NXPE2: variants seen among roughly 807,000 people sequenced by gnomAD.
The protein encoded by NXPE2 is neurexophilin and PC-esterase domain family member 2.
NXPE2 carries 34 observed loss-of-function variants against 34.4 expected under a neutral mutation model. The observed-to-expected ratio is 0.99, with a 90% CI of 0.75 to 1.31. NXPE2 has a LOEUF of 1.31. NXPE2 is among the 40% of genes most tolerant of loss of function. NXPE2 has a pLI of 0.00. For missense variants in NXPE2, 649 were observed against 672.5 expected, an observed-to-expected ratio of 0.97 and a Z score of 0.39; for synonymous variants, 235 against 231.3, an observed-to-expected ratio of 1.02 and a Z score of -0.15.
At chr11:114,587,110 C>T in the NXPE2 span, among the ~76,000 whole-genome samples, 2 of 152,128 alleles carry the variant, frequency 1.3e-5, no homozygotes, top group African/African-American at 2.4e-5. Context: ...CTTCCTAATT[C>T]TCGCTTTTTT....
At chr11:114,775,716 A>G in the NXPE2 span, among the ~76,000 whole-genome samples, 1 of 152,078 alleles carries the variant, frequency 6.6e-6, no homozygotes, top group Admixed American at 6.5e-5. Flanking sequence ...GGCTTATTTA[A>G]TAGAGGGCTC....
At chr11:114,568,700 T>C in the NXPE2 span, among the ~76,000 whole-genome samples, 1 of 152,140 alleles carries the variant, frequency 6.6e-6, no homozygotes, top group East Asian at 1.9e-4. Context: ...GGCTGCCTCC[T>C]TTTTATCTTT....
chr11:114,503,544 TA>T, the NXPE2 span, among the ~76,000 whole-genome samples: 1 of 150,428 alleles, frequency 6.6e-6, no homozygotes, highest in African/African-American at 2.4e-5. Context: ...AGTTGATGAC[TA>T]AAAAAAAACC....
chr11:114,745,815 T>G, the NXPE2 span, among the ~76,000 whole-genome samples: 1 of 152,170 alleles, frequency 6.6e-6, no homozygotes, highest in African/African-American at 2.4e-5. Flanking sequence ...AAATTTTTTA[T>G]TCTTTTACCA....
At chr11:114,615,079 C>T in the NXPE2 span, among the ~76,000 whole-genome samples, 1 of 151,726 alleles carries the variant, frequency 6.6e-6, no homozygotes, top group African/African-American at 2.4e-5. Flanking sequence ...AATTCTTACC[C>T]TGTGGAAAAT....
the NXPE2 span, chr11:114,528,891 G>A: frequency 3.3e-6 from 2 of 601,266 alleles, no homozygotes; most frequent in Non-Finnish European, 6.2e-6. Context: ...CATAAGGATG[G>A]TTGATGGGTA....
chr11:114,627,677 T>A, the NXPE2 span, among the ~76,000 whole-genome samples: 18 of 151,896 alleles, frequency 1.2e-4, no homozygotes, highest in Admixed American at 1.2e-3. Context: ...CAATATTAAC[T>A]TTAAATGTAA....
chr11:114,613,740 C>T, the NXPE2 span, among the ~76,000 whole-genome samples: 1 of 151,564 alleles, frequency 6.6e-6, no homozygotes, highest in Non-Finnish European at 1.5e-5. Flanking sequence ...TCATGGGGAA[C>T]CACTGTTACC....
the NXPE2 span, among the ~76,000 whole-genome samples, chr11:114,602,676 A>G: frequency 7.1e-6 from 1 of 141,814 alleles, no homozygotes; most frequent in East Asian, 2.1e-4. Flanking sequence ...TTACAGAATC[A>G]TATGTAATAA....
chr11:114,551,047 C>T, the NXPE2 span: 20 of 931,934 alleles, frequency 2.1e-5, no homozygotes, highest in African/African-American at 1.5e-4. Flanking sequence ...ACTTGAGGCA[C>T]GTCACACAGG....
At chr11:114,777,590 C>G in the NXPE2 span, among the ~76,000 whole-genome samples, 1 of 152,110 alleles carries the variant, frequency 6.6e-6, no homozygotes, top group South Asian at 2.1e-4. Context: ...AGTTGGAGGG[C>G]TGGGTCCATA....
chr11:114,626,082 G>A, the NXPE2 span, among the ~76,000 whole-genome samples: 6 of 152,244 alleles, frequency 3.9e-5, no homozygotes, highest in East Asian at 3.9e-4. Flanking sequence ...ACTGCAAGGC[G>A]GCAGCGAGGC....
At chr11:114,551,417 A>G in the NXPE2 span, 5 of 1,320,838 alleles carry the variant, frequency 3.8e-6, no homozygotes, top group African/African-American at 6.0e-5. Flanking sequence ...TTCACTCAGG[A>G]TTGTTGCTTC....
chr11:114,650,703 G>T, the NXPE2 span, among the ~76,000 whole-genome samples: 186 of 152,246 alleles, frequency 1.2e-3, no homozygotes, highest in African/African-American at 4.2e-3. Flanking sequence ...TCATAAGTAG[G>T]GCAGGCAACT....
the NXPE2 span, among the ~76,000 whole-genome samples, chr11:114,606,026 C>T: frequency 6.6e-6 from 1 of 151,560 alleles, no homozygotes; most frequent in African/African-American, 2.4e-5. Flanking sequence ...ACCACTGTTA[C>T]CAGGAGGATA....
chr11:114,648,480 G>A, the NXPE2 span, among the ~76,000 whole-genome samples: 1 of 152,172 alleles, frequency 6.6e-6, no homozygotes, highest in African/African-American at 2.4e-5. Context: ...CTACATTGGG[G>A]AGGACAATTT....
At chr11:114,560,927 CTCTG>C in the NXPE2 span, among the ~76,000 whole-genome samples, 1 of 152,128 alleles carries the variant, frequency 6.6e-6, no homozygotes, top group Non-Finnish European at 1.5e-5. Context: ...ATTTCAGTTT[CTCTG>C]TCTTTTTGTG....
chr11:114,599,120 G>A, the NXPE2 span, among the ~76,000 whole-genome samples: 1 of 152,022 alleles, frequency 6.6e-6, no homozygotes, highest in Non-Finnish European at 1.5e-5. Context: ...GCTGCTTCTT[G>A]AACACTTTGC....
the NXPE2 span, among the ~76,000 whole-genome samples, chr11:114,532,931 G>A: frequency 4.6e-5 from 7 of 152,072 alleles, no homozygotes; most frequent in Non-Finnish European, 8.8e-5. Context: ...TGATTGGATT[G>A]CAGCTGCAAT....
Sources: allele counts gnomAD v4.1 joint callset (sites outside exome capture counted in the v4.1 genomes callset), GRCh38; gene constraint gnomAD v4.1.1; transcripts MANE v1.5; gene names NCBI Gene and HGNC (gene_info 2026-07-23, HGNC 2026-07-21).